RFX4: variants seen among roughly 807,000 people sequenced by gnomAD.
The protein encoded by RFX4 is transcription factor RFX4.
A neutral mutation model predicts 95.0 loss-of-function variants in RFX4; 10 were observed. The observed-to-expected ratio is 0.11, with a 90% CI of 0.06 to 0.18. The LOEUF is 0.18. RFX4 is among the 10% of genes least tolerant of loss of function. The pLI is 1.00. For missense variants in RFX4, 640 were observed against 922.0 expected (o/e 0.69, Z 3.96); for synonymous variants, 321 against 340.7 (o/e 0.94, Z 0.64).
intron 8 of RFX4, among the ~76,000 whole-genome samples, chr12:106,706,571 A>G (rs1294486225): frequency 5.9e-5 from 9 of 152,234 alleles, no homozygotes; most frequent in Admixed American, 2.0e-4. Context: ...ATACTTGCCT[A>G]AAGAAATTGT....
rs765098667 is a variant in RFX4 at position 106,608,798 on chromosome 12, G to A, written c.45G>A (p.Glu15=). The change falls in exon 2 of 18, where the codon GAG becomes GAA. Residue 15 remains glutamate, a splice_region_variant and synonymous_variant. Transcript: ENST00000392842. ...LLEEPDMDST[E]SWIERCLNES... ...TTTCTTTCTTTTTTTTTTTTTTAGA[G>A]AGCTGGATTGAAAGATGTCTCAACG... 4 of 1,557,532 alleles carry A rather than the reference G, an allele frequency of 2.6e-6. No homozygotes were observed. The highest frequency in any genetic ancestry group is 3.5e-6 in the Non-Finnish European group (4 of 1,153,364).
chr12:106,641,213 G>A (rs1389066163), intron 3 of RFX4, among the ~76,000 whole-genome samples: 1 of 152,220 alleles, frequency 6.6e-6, no homozygotes, highest in Non-Finnish European at 1.5e-5. Flanking sequence ...TGGGAGCAGT[G>A]AGGCTGTAAA....
chr12:106,717,230 G>C (rs2042311870), intron 11 of RFX4, among the ~76,000 whole-genome samples: 1 of 152,090 alleles, frequency 6.6e-6, no homozygotes, highest in African/African-American at 2.4e-5. Flanking sequence ...CAAGATTCAT[G>C]GAATACCAAA....
In RFX4 at chr12:106,633,958, T is replaced by A. The variant is rs542618457; in HGVS notation, c.131-5374T>A. ...TGGCCTCCTCCCAGAGTCTGACAGG[T>A]CCTCTTCAAAATGAACAGGGCAGGT... On this transcript the variant is annotated intron_variant, in intron 2 of 17. Transcript: ENST00000392842. Among the ~76,000 whole-genome samples the A allele has an allele frequency of 3.0e-4, 46 of 152,266 alleles. No homozygotes were observed. In the South Asian group the frequency reaches 9.3e-3, roughly 31 times the overall value.
At chr12:106,612,781 T>G (rs2039988919) in intron 2 of RFX4, among the ~76,000 whole-genome samples, 1 of 151,280 alleles carries the variant, frequency 6.6e-6, no homozygotes. Context: ...GAGGGTGCAG[T>G]GAGCCAAGAT....
At chr12:106,726,569 T>C (rs2042502281) in intron 13 of RFX4, among the ~76,000 whole-genome samples, 2 of 152,212 alleles carry the variant, frequency 1.3e-5, no homozygotes, top group South Asian at 4.1e-4. Context: ...GCATACTTTA[T>C]TCCTTGAAGA....
intron 2 of RFX4, among the ~76,000 whole-genome samples, chr12:106,638,546 T>C (rs980479726): frequency 3.9e-5 from 6 of 152,156 alleles, no homozygotes; most frequent in African/African-American, 1.2e-4. Context: ...AAAGAACAAA[T>C]GGTGAATAGC....
rs12099865 is a variant in RFX4, at chr12:106,639,536, T to G, written c.191+144T>G. The G allele has an allele frequency of 0.028, 20,353 of 736,826 alleles. 595 individuals carry two copies. Among genetic ancestry groups the G allele is most frequent in the African/African-American group, 0.11 (6,375 of 56,150 alleles). The allele number at this position is 736,826 out of a possible 1,614,324, so 45.6% of individuals were successfully genotyped here. A position where few individuals can be genotyped will look rare whatever the true frequency, so the allele number is the denominator to read the frequency against. ...TGAAATCTATTTAATTTGCAGTATATGTAAAATGCTCAACTAGCCTTAGAT... is the reference window on the plus strand; with the variant it reads ...TGAAATCTATTTAATTTGCAGTATAGGTAAAATGCTCAACTAGCCTTAGAT... On this transcript the variant is annotated intron_variant, in intron 3 of 17. Transcript: ENST00000392842.
chr12:106,612,773 G>C (rs139869709), intron 2 of RFX4, among the ~76,000 whole-genome samples: 2 of 152,214 alleles, frequency 1.3e-5, no homozygotes, highest in African/African-American at 4.8e-5. Context: ...GGGAGGCAGA[G>C]GGTGCAGTGA....
chr12:106,603,930 T>C (rs1001876781), intron 1 of RFX4, among the ~76,000 whole-genome samples: 119 of 152,286 alleles, frequency 7.8e-4, no homozygotes, highest in Non-Finnish European at 9.8e-4. Flanking sequence ...AGAAAAAGCA[T>C]GCATTTATTG....
intron 17 of RFX4, among the ~76,000 whole-genome samples, chr12:106,760,889 G>T (rs2043197471): frequency 6.6e-6 from 1 of 152,016 alleles, no homozygotes; most frequent in African/African-American, 2.4e-5. Context: ...ACACTTTCCT[G>T]TATTCCTGGT....
chr12:106,590,231 G>A (rs1161267138), intron 1 of RFX4, among the ~76,000 whole-genome samples: 2 of 152,294 alleles, frequency 1.3e-5, no homozygotes, highest in East Asian at 3.9e-4. Context: ...TTTTCTTATG[G>A]GATTGATACA....
intron 16 of RFX4, among the ~76,000 whole-genome samples, chr12:106,749,083 CAA>C (rs35924676): frequency 3.0e-4 from 31 of 104,760 alleles, no homozygotes; most frequent in African/African-American, 4.4e-4. Context: ...GACTTCATCT[CAA>C]AAAAAAAAAA....
chr12:106,583,419 G>C, intron 1 of RFX4, 56 bp downstream of exon 1: 1 of 1,480,072 alleles, frequency 6.8e-7, no homozygotes, highest in Non-Finnish European at 9.0e-7. Context: ...AGAAGGGAGA[G>C]GGGGAACTTT....
intron 3 of RFX4, among the ~76,000 whole-genome samples, chr12:106,640,684 C>T (rs936649729): frequency 2.6e-5 from 4 of 151,934 alleles, no homozygotes; most frequent in African/African-American, 7.3e-5. Context: ...GTATTATGGC[C>T]ATGCAAGTTC....
At chr12:106,743,612 C>T (rs557669730) in intron 15 of RFX4, among the ~76,000 whole-genome samples, 5 of 152,260 alleles carry the variant, frequency 3.3e-5, no homozygotes, top group African/African-American at 9.6e-5. Context: ...TTCAATGGAA[C>T]GAAAATTTAC....
At chr12:106,721,099 A>G (rs2042388002) in intron 13 of RFX4, among the ~76,000 whole-genome samples, 2 of 152,174 alleles carry the variant, frequency 1.3e-5, no homozygotes, top group African/African-American at 2.4e-5. Flanking sequence ...GCCCACAGAT[A>G]GTACTATCTG....
intron 1 of RFX4, among the ~76,000 whole-genome samples, chr12:106,603,628 T>G (rs552781734): frequency 6.6e-6 from 1 of 152,228 alleles, no homozygotes; most frequent in South Asian, 2.1e-4. Flanking sequence ...ACAGGTCAGA[T>G]GATTTTTATA....
At chr12:106,617,727 TTTG>T (rs1210405767) in intron 2 of RFX4, among the ~76,000 whole-genome samples, 5 of 151,862 alleles carry the variant, frequency 3.3e-5, no homozygotes, top group East Asian at 3.9e-4. Flanking sequence ...ACATTTTGGG[TTTG>T]TTGTTGTTGT....
Sources: gnomAD v4.1 joint callset for allele counts (sites outside exome capture counted in the v4.1 genomes callset) on GRCh38, gnomAD v4.1.1 for gene constraint, MANE v1.5 for transcripts, NCBI Gene and HGNC (gene_info 2026-07-23, HGNC 2026-07-21) for gene names.